Variants in RAP1GAP2 observed in about 807,000 individuals in gnomAD.
RAP1GAP2 encodes RAP1 GTPase activating protein 2.
Under a neutral mutation model 95.0 loss-of-function variants are expected in RAP1GAP2, and 27 were observed. That is an observed-to-expected ratio of 0.28 (90% confidence interval 0.21 to 0.39). The LOEUF (loss-of-function observed/expected upper bound fraction) is 0.39. Among genes scored for constraint, RAP1GAP2 ranks in the 10% least tolerant of loss-of-function variants. RAP1GAP2 has a pLI of 1.00. For synonymous variants in RAP1GAP2, 373 were observed against 380.9 expected, an observed-to-expected ratio of 0.98 and a Z score of 0.24; for missense variants, 771 against 970.0, an observed-to-expected ratio of 0.79 and a Z score of 2.72.
chr17:3,009,868 A>G (rs1419466991), intron 17 of RAP1GAP2, among the ~76,000 whole-genome samples: 3 of 151,874 alleles, frequency 2.0e-5, no homozygotes, highest in Non-Finnish European at 4.4e-5. Flanking sequence ...CCAGCGAGAG[A>G]ATGGAGAGTG....
At chr17:3,014,191 G>A (rs12451486) in intron 17 of RAP1GAP2, among the ~76,000 whole-genome samples, 1,939 of 20,924 alleles carry the variant, frequency 0.093, 67 homozygotes, top group Middle Eastern at 0.17. Context: ...TTGGCTATAG[G>A]GCGCGTGGCT....
chr17:3,028,573 G>T (rs1195456754), intron 22 of RAP1GAP2, among the ~76,000 whole-genome samples: 1 of 152,176 alleles, frequency 6.6e-6, no homozygotes, highest in Non-Finnish European at 1.5e-5. Context: ...AAGGGATGTT[G>T]CAAAGGGAAC....
intron 2 of RAP1GAP2, among the ~76,000 whole-genome samples, chr17:2,801,685 A>C (rs2069306615): frequency 6.9e-6 from 1 of 145,568 alleles, no homozygotes. Flanking sequence ...GTTGCCAGGT[A>C]TGTCAGCATG....
At chr17:2,926,990 A>C (rs1442191740) in intron 3 of RAP1GAP2, among the ~76,000 whole-genome samples, 1 of 127,338 alleles carries the variant, frequency 7.9e-6, no homozygotes, top group Non-Finnish European at 1.6e-5. Context: ...TGGGGAACAG[A>C]GCAAGACTCC....
chr17:2,833,170 T>G (rs902179065), intron 2 of RAP1GAP2, among the ~76,000 whole-genome samples: 1 of 149,362 alleles, frequency 6.7e-6, no homozygotes, highest in Non-Finnish European at 1.5e-5. Context: ...TTAGATGGAG[T>G]CTTGCTCTGT....
intron 2 of RAP1GAP2, among the ~76,000 whole-genome samples, chr17:2,889,891 T>TATATA (rs1490272485): frequency 0.042 from 1,936 of 45,942 alleles, 17 homozygotes; most frequent in Non-Finnish European, 0.067. Context: ...ATATATATAT[T>TATATA]TTTTTTTTTT....
chr17:2,768,643 G>A (rs1230064711), intron 1 of RAP1GAP2, among the ~76,000 whole-genome samples: 1 of 141,396 alleles, frequency 7.1e-6, no homozygotes, highest in African/African-American at 2.6e-5. Flanking sequence ...AGTGAGCTGA[G>A]ATGAAGCCAT....
At chr17:3,014,073 A>AG (rs1190525644) in intron 17 of RAP1GAP2, among the ~76,000 whole-genome samples, 1 of 151,338 alleles carries the variant, frequency 6.6e-6, no homozygotes, top group Admixed American at 6.6e-5. Context: ...TCGGCTATAG[A>AG]GCCCGTGGCT....
In RAP1GAP2 at chr17:3,004,554, A is replaced by G. The variant is rs1030412717; in HGVS notation, c.1201-815A>G. Among the ~76,000 whole-genome samples, 1 of 152,212 alleles carries G rather than the reference A, an allele frequency of 6.6e-6. No homozygotes were observed. The highest frequency in any genetic ancestry group is 1.5e-5 in the Non-Finnish European group (1 of 68,038). On this transcript the variant is annotated intron_variant, in intron 14 of 24. Coordinates refer to ENST00000254695, the MANE Select transcript of RAP1GAP2 (RefSeq NM_015085.5). This position sits in a 1 kb window ranked among gnomAD's most constrained non-coding sequence, Gnocchi z 4.1. ...AGTCAGGGCACCTCTGTGCAGAGGG[A>G]AGGCGGGGTGTGGGGCCCGTCCCAC... is the stretch of plus-strand genomic sequence containing the variant.
intron 3 of RAP1GAP2, among the ~76,000 whole-genome samples, chr17:2,947,817 G>A (rs939982897): frequency 2.2e-4 from 33 of 152,110 alleles, no homozygotes; most frequent in Admixed American, 2.0e-3. Context: ...CCAGAAACGG[G>A]TTTAGAGAAC....
intron 2 of RAP1GAP2, among the ~76,000 whole-genome samples, chr17:2,890,832 C>T (rs1351940258): frequency 6.6e-6 from 1 of 151,724 alleles, no homozygotes; most frequent in Non-Finnish European, 1.5e-5. Flanking sequence ...CCACAGGCGC[C>T]CGCCACCACG....
chr17:2,818,185 A>C (rs2070117426), intron 2 of RAP1GAP2, among the ~76,000 whole-genome samples: 1 of 151,972 alleles, frequency 6.6e-6, no homozygotes, highest in Admixed American at 6.6e-5. Context: ...AATAAAACAC[A>C]CACATAAAGT....
chr17:2,971,246 A>G (rs2044856367), intron 8 of RAP1GAP2, among the ~76,000 whole-genome samples: 1 of 152,262 alleles, frequency 6.6e-6, no homozygotes, highest in African/African-American at 2.4e-5. Context: ...TGATTTAAAA[A>G]AACCACTAAA....
intron 17 of RAP1GAP2, among the ~76,000 whole-genome samples, chr17:3,017,430 G>A (rs2046806010): frequency 6.6e-6 from 1 of 152,164 alleles, no homozygotes; most frequent in South Asian, 2.1e-4. Context: ...GCAAGTGGGA[G>A]GGGCGGCTCA....
At chr17:2,958,457 C>T (rs1352178602) in intron 4 of RAP1GAP2, among the ~76,000 whole-genome samples, 3 of 152,122 alleles carry the variant, frequency 2.0e-5, no homozygotes, top group East Asian at 1.9e-4. Flanking sequence ...GGTTCATTGA[C>T]GTGGGCGGGA....
chr17:2,858,375 G>A (rs1437430490), intron 2 of RAP1GAP2, among the ~76,000 whole-genome samples: 1 of 152,038 alleles, frequency 6.6e-6, no homozygotes, highest in African/African-American at 2.4e-5. Flanking sequence ...GGTTATTCCT[G>A]GGTAGAAAAA....
chr17:2,838,779 C>A (rs181548782), intron 2 of RAP1GAP2, among the ~76,000 whole-genome samples: 1 of 152,228 alleles, frequency 6.6e-6, no homozygotes, highest in East Asian at 1.9e-4. Flanking sequence ...ATTCCCTTTG[C>A]AGTTCTCTTT....
At chr17:2,817,575 A>T (rs1464959640) in intron 2 of RAP1GAP2, among the ~76,000 whole-genome samples, 3 of 111,214 alleles carry the variant, frequency 2.7e-5, no homozygotes, top group African/African-American at 5.9e-5. Flanking sequence ...GGCTGGAGTG[A>T]AGTGGCATGA....
intron 2 of RAP1GAP2, among the ~76,000 whole-genome samples, chr17:2,770,746 A>G (rs930645635): frequency 6.6e-6 from 1 of 152,176 alleles, no homozygotes; most frequent in Non-Finnish European, 1.5e-5. Flanking sequence ...GAGATTTACA[A>G]AGCCTGGAGA....
Sources: allele counts gnomAD v4.1 joint callset (sites outside exome capture counted in the v4.1 genomes callset), GRCh38; gene constraint gnomAD v4.1.1; non-coding constraint Gnocchi (gnomAD v3.1); transcripts MANE v1.5; gene names NCBI Gene and HGNC (gene_info 2026-07-23, HGNC 2026-07-21).